The following UNC5D variants were observed in gnomAD, a reference collection of about 807,000 sequenced individuals.
UNC5D encodes unc-5 netrin receptor D, also known as netrin receptor UNC5D.
Under a neutral mutation model 105.4 loss-of-function variants are expected in UNC5D, and 39 were observed. The observed-to-expected ratio is 0.37, with a 90% CI of 0.29 to 0.48. The LOEUF (loss-of-function observed/expected upper bound fraction) is 0.48, where lower values mean the gene tolerates loss of function less well. UNC5D is among the 20% of genes least tolerant of loss of function. The pLI, the probability that UNC5D is intolerant of heterozygous loss-of-function variation, is 0.98. For missense variants in UNC5D, 991 were observed against 1,202.4 expected (o/e 0.82, Z 2.60); for synonymous variants, 452 against 450.4 (o/e 1.00, Z -0.04).
intron 1 of UNC5D, among the ~76,000 whole-genome samples, chr8:35,443,352 G>A (rs929793100): frequency 1.3e-5 from 2 of 151,554 alleles, no homozygotes; most frequent in African/African-American, 4.8e-5. Context: ...TCATTCTGTG[G>A]GAGTCACAGA....
chr8:35,269,705 C>T (rs182143257), intron 1 of UNC5D, among the ~76,000 whole-genome samples: 9 of 152,132 alleles, frequency 5.9e-5, no homozygotes, highest in African/African-American at 1.2e-4. Context: ...AGCCTCCCAT[C>T]GCCGGTTTGG....
intron 1 of UNC5D, among the ~76,000 whole-genome samples, chr8:35,467,589 A>AAAAAAG (rs1554537851): frequency 2.2e-4 from 28 of 126,200 alleles, no homozygotes; most frequent in African/African-American, 4.2e-4. Context: ...AAAAAAAAAA[A>AAAAAAG]AAGAAGAAAA....
rs536703616 is a variant in UNC5D at position 35,304,112 on chromosome 8, C to A, written c.103+68225C>A. Reference sequence around the variant, plus strand: ...GATTGGCAGGAAAAATTGCCCTGGACTTGGTTTTTTTTTCCTTAAGTGTCA... The same window carrying A: ...GATTGGCAGGAAAAATTGCCCTGGAATTGGTTTTTTTTTCCTTAAGTGTCA... On this transcript the variant is annotated intron_variant, in intron 1 of 16. Coordinates refer to ENST00000404895, the MANE Select transcript of UNC5D (RefSeq NM_080872.4). Among the ~76,000 whole-genome samples, 4 of 152,024 alleles carry A rather than the reference C, an allele frequency of 2.6e-5. No individual in the cohort carries two copies. In the South Asian group the frequency reaches 8.3e-4, roughly 32 times the overall value.
At chr8:35,259,628 A>T (rs2128820103) in intron 1 of UNC5D, among the ~76,000 whole-genome samples, 1 of 152,272 alleles carries the variant, frequency 6.6e-6, no homozygotes, top group Non-Finnish European at 1.5e-5. Context: ...TCTCTGAAAT[A>T]GAGGAGTGCT....
At chr8:35,634,163 T>G (rs1822214201) in intron 4 of UNC5D, among the ~76,000 whole-genome samples, 1 of 152,226 alleles carries the variant, frequency 6.6e-6, no homozygotes, top group African/African-American at 2.4e-5. Flanking sequence ...CAGGATTATT[T>G]GGAAAACGGT....
At chr8:35,396,896 TG>T (rs1804139632) in intron 1 of UNC5D, among the ~76,000 whole-genome samples, 1 of 151,822 alleles carries the variant, frequency 6.6e-6, no homozygotes, top group Non-Finnish European at 1.5e-5. Flanking sequence ...AGGGTTTTTT[TG>T]TTTGTTTGGT....
intron 1 of UNC5D, among the ~76,000 whole-genome samples, chr8:35,467,457 G>A (rs1029870034): frequency 6.6e-6 from 1 of 151,750 alleles, no homozygotes; most frequent in Non-Finnish European, 1.5e-5. Context: ...TTTAGATTCA[G>A]CTGCAGTACA....
intron 1 of UNC5D, among the ~76,000 whole-genome samples, chr8:35,307,247 C>T (rs141872953): frequency 5.8e-4 from 89 of 152,300 alleles, no homozygotes; most frequent in African/African-American, 2.1e-3. Flanking sequence ...TGGCCTATCC[C>T]ATAAGATAAC....
chr8:35,276,405 C>T (rs1488050305), intron 1 of UNC5D, among the ~76,000 whole-genome samples: 3 of 152,100 alleles, frequency 2.0e-5, no homozygotes, highest in Non-Finnish European at 4.4e-5. Context: ...GATGCGTAGA[C>T]AACGGATGTC....
chr8:35,766,935 C>T lies in UNC5D; in HGVS notation c.2347C>T (p.Arg783Trp), dbSNP rs776286236. ...VPFSRVWCSN[R>W]QPLHCAFSLE... ...GTTCTCCCGCGTGTGGTGCAGTAACCGGCAGCCCCTGCACTGTGCCTTCTC... is the reference window on the plus strand; with the variant it reads ...GTTCTCCCGCGTGTGGTGCAGTAACTGGCAGCCCCTGCACTGTGCCTTCTC... Residue 783 changes from arginine to tryptophan, a missense_variant, in exon 15 of 17, where the codon CGG (arginine) becomes TGG (tryptophan). Arg to Trp is a moderately radical substitution (Grantham distance 101, BLOSUM62 -3). Transcript: ENST00000404895. The T allele has an allele frequency of 1.3e-5, 21 of 1,613,814 alleles. No individual in the cohort carries two copies. Among genetic ancestry groups the T allele is most frequent in the Admixed American group, 5.0e-5 (3 of 59,992 alleles).
intron 1 of UNC5D, among the ~76,000 whole-genome samples, chr8:35,506,105 T>C (rs1812289548): frequency 1.3e-5 from 2 of 152,178 alleles, no homozygotes; most frequent in East Asian, 1.9e-4. Context: ...TGATGGAAAG[T>C]AGGTTATAAA....
chr8:35,659,269 C>T (rs1004371984), intron 4 of UNC5D, among the ~76,000 whole-genome samples: 3 of 152,122 alleles, frequency 2.0e-5, no homozygotes. Context: ...ATGACAGCCC[C>T]ATGATTGAAT....
At chr8:35,431,613 G>A (rs1281771459) in intron 1 of UNC5D, among the ~76,000 whole-genome samples, 1 of 152,080 alleles carries the variant, frequency 6.6e-6, no homozygotes, top group Admixed American at 6.6e-5. Flanking sequence ...GTTATTTATG[G>A]AGAAGAGCTT....
At chr8:35,657,570 G>A (rs1183927270) in intron 4 of UNC5D, among the ~76,000 whole-genome samples, 3 of 152,076 alleles carry the variant, frequency 2.0e-5, no homozygotes, top group East Asian at 1.9e-4. Flanking sequence ...CTGTAACCTT[G>A]GACTCCTGGG....
At chr8:35,500,777 G>A (rs574644008) in intron 1 of UNC5D, among the ~76,000 whole-genome samples, 1 of 152,300 alleles carries the variant, frequency 6.6e-6, no homozygotes, top group South Asian at 2.1e-4. Context: ...GAATGCATGT[G>A]TATGAACGGA....
intron 4 of UNC5D, among the ~76,000 whole-genome samples, chr8:35,619,744 A>G (rs1011752510): frequency 6.6e-6 from 1 of 152,248 alleles, no homozygotes; most frequent in Non-Finnish European, 1.5e-5. Context: ...CTTAAGAATC[A>G]GTAACTCTTA....
intron 1 of UNC5D, among the ~76,000 whole-genome samples, chr8:35,396,689 G>T (rs1804122085): frequency 6.6e-6 from 1 of 151,900 alleles, no homozygotes; most frequent in East Asian, 1.9e-4. Flanking sequence ...GTAGAGACGG[G>T]GTTTCACCAT....
intron 1 of UNC5D, among the ~76,000 whole-genome samples, chr8:35,536,185 C>T (rs1814819334): frequency 6.6e-6 from 1 of 152,228 alleles, no homozygotes. Flanking sequence ...TAAGCCCCCT[C>T]TGTTGTACAA....
At chr8:35,405,691 C>T (rs1804761768) in intron 1 of UNC5D, among the ~76,000 whole-genome samples, 1 of 151,830 alleles carries the variant, frequency 6.6e-6, no homozygotes, top group South Asian at 2.1e-4. Context: ...CTATTCACAA[C>T]TTTTTTTTAC....
Sources: allele counts gnomAD v4.1 joint callset (sites outside exome capture counted in the v4.1 genomes callset), GRCh38; gene constraint gnomAD v4.1.1; transcripts MANE v1.5; gene names NCBI Gene and HGNC (gene_info 2026-07-23, HGNC 2026-07-21).